Variants in PACRG observed in about 807,000 individuals in gnomAD.
PACRG encodes the protein parkin coregulated gene protein.
Under a neutral mutation model 29.7 loss-of-function variants are expected in PACRG, and 29 were observed. The ratio of observed to expected loss-of-function variants is 0.98; its 90% CI spans 0.73 to 1.33. The LOEUF is 1.33. Among genes scored for constraint, PACRG ranks in the 40% most tolerant of loss-of-function variants. PACRG has a pLI of 0.00. For synonymous variants in PACRG, 116 were observed against 118.7 expected (o/e 0.98, Z 0.15); for missense variants, 279 against 316.2 (o/e 0.88, Z 0.89).
chr6:162,876,944 T>C (rs946083705), intron 2 of PACRG, among the ~76,000 whole-genome samples: 2 of 152,164 alleles, frequency 1.3e-5, no homozygotes, highest in Non-Finnish European at 2.9e-5. Flanking sequence ...CAACAGAGGC[T>C]GGAGAGGATG....
intron 2 of PACRG, among the ~76,000 whole-genome samples, chr6:163,052,532 C>A (rs1810122743): frequency 6.6e-6 from 1 of 152,056 alleles, no homozygotes; most frequent in Admixed American, 6.6e-5. Context: ...GAGGGAGGAA[C>A]CTGGTGGGAG....
At chr6:163,236,404 CA>C (rs1300996394) in intron 4 of PACRG, among the ~76,000 whole-genome samples, 1 of 152,196 alleles carries the variant, frequency 6.6e-6, no homozygotes, top group African/African-American at 2.4e-5. Flanking sequence ...TTAATCTCAG[CA>C]GAAACTGAGT....
At chr6:162,754,141 A>G (rs756745549) in intron 1 of PACRG, among the ~76,000 whole-genome samples, 1 of 152,204 alleles carries the variant, frequency 6.6e-6, no homozygotes, top group Non-Finnish European at 1.5e-5. Context: ...CATCTTCCCC[A>G]GAATTTGCTT....
intron 2 of PACRG, among the ~76,000 whole-genome samples, chr6:163,003,557 C>T (rs1259741623): frequency 1.3e-5 from 2 of 152,034 alleles, no homozygotes; most frequent in African/African-American, 2.4e-5. Context: ...TTTCTATATC[C>T]ACTTCTTGCC....
intron 1 of PACRG, among the ~76,000 whole-genome samples, chr6:162,754,510 G>T (rs928033720): frequency 6.6e-6 from 1 of 151,936 alleles, no homozygotes; most frequent in Non-Finnish European, 1.5e-5. Flanking sequence ...TATTGCCTGT[G>T]CTTTTGGAGT....
chr6:163,077,426 C>A (rs767039940), intron 3 of PACRG, among the ~76,000 whole-genome samples: 1 of 152,004 alleles, frequency 6.6e-6, no homozygotes, highest in Non-Finnish European at 1.5e-5. Flanking sequence ...ACAGACACAG[C>A]GGAAGAAACC....
chr6:162,791,846 G>A (rs1374086464), intron 1 of PACRG, among the ~76,000 whole-genome samples: 1 of 152,104 alleles, frequency 6.6e-6, no homozygotes, highest in African/African-American at 2.4e-5. Context: ...TGACACCTGG[G>A]GGTCAATCCC....
At chr6:163,089,498 T>C in intron 4 of PACRG, 90 bp downstream of exon 4, 1 of 1,425,972 alleles carries the variant, frequency 7.0e-7, no homozygotes, top group Non-Finnish European at 9.6e-7. Context: ...GTTTAGGATT[T>C]ATTATTGCAT....
At chr6:163,254,032 G>T (rs1783010796) in intron 4 of PACRG, among the ~76,000 whole-genome samples, 1 of 151,918 alleles carries the variant, frequency 6.6e-6, no homozygotes, top group Admixed American at 6.5e-5. Context: ...TAGAGCACAG[G>T]GCAGAAGCGG....
chr6:163,293,926 C>T (rs1469023214), intron 4 of PACRG, among the ~76,000 whole-genome samples: 1 of 152,018 alleles, frequency 6.6e-6, no homozygotes, highest in African/African-American at 2.4e-5. Context: ...AGTCTAGTAA[C>T]AATAACTTCT....
chr6:163,187,339 ACCCAGG>A (rs1159369174), intron 4 of PACRG, among the ~76,000 whole-genome samples: 1 of 151,978 alleles, frequency 6.6e-6, no homozygotes, highest in Non-Finnish European at 1.5e-5. Context: ...CAGTCAGTGC[ACCCAGG>A]CCTGTGCAAG....
chr6:162,995,366 C>G (rs561187288), intron 2 of PACRG, among the ~76,000 whole-genome samples: 1 of 151,820 alleles, frequency 6.6e-6, no homozygotes, highest in Non-Finnish European at 1.5e-5. Context: ...AGTTTGATCT[C>G]AGACTGCTGT....
intron 2 of PACRG, among the ~76,000 whole-genome samples, chr6:162,989,018 A>G (rs989388993): frequency 2.0e-5 from 3 of 151,994 alleles, no homozygotes; most frequent in Admixed American, 2.0e-4. Context: ...AAAAAATTCA[A>G]TATACTTTTT....
intron 2 of PACRG, chr6:163,042,522 GTCTT>G (rs961786480): frequency 3.9e-5 from 6 of 152,118 alleles, no homozygotes; most frequent in Admixed American, 3.9e-4. Context: ...AAGAAGTTCA[GTCTT>G]TCTTATGGCA....
At chr6:163,312,563 G>A (rs1253363994) in intron 4 of PACRG, among the ~76,000 whole-genome samples, 1 of 152,118 alleles carries the variant, frequency 6.6e-6, no homozygotes, top group African/African-American at 2.4e-5. Context: ...ATTCCTGCCT[G>A]CACCTTCTCA....
intron 4 of PACRG, among the ~76,000 whole-genome samples, chr6:163,282,463 T>A (rs1476466435): frequency 6.6e-6 from 1 of 152,066 alleles, no homozygotes; most frequent in Non-Finnish European, 1.5e-5. Flanking sequence ...GTAATCCCAG[T>A]ACTTTGGGAG....
intron 4 of PACRG, among the ~76,000 whole-genome samples, chr6:163,216,889 T>A (rs1393394297): frequency 1.3e-5 from 2 of 152,244 alleles, no homozygotes; most frequent in East Asian, 3.8e-4. Context: ...CAATATTCAA[T>A]GTGCTTGCTT....
At chr6:162,781,954 CAATGA>C (rs1784125631) in intron 1 of PACRG, among the ~76,000 whole-genome samples, 1 of 151,490 alleles carries the variant, frequency 6.6e-6, no homozygotes, top group African/African-American at 2.4e-5. Flanking sequence ...TTAAAAACAC[CAATGA>C]AAAGGAAGCA....
chr6:163,112,567 C>G (rs1161566341), intron 4 of PACRG, among the ~76,000 whole-genome samples: 1 of 152,008 alleles, frequency 6.6e-6, no homozygotes, highest in African/African-American at 2.4e-5. Flanking sequence ...TTCTCCTTCC[C>G]CCTCATTTTT....
Sources: gnomAD v4.1 joint callset for allele counts (sites outside exome capture counted in the v4.1 genomes callset) on GRCh38, gnomAD v4.1.1 for gene constraint, MANE v1.5 for transcripts, NCBI Gene and HGNC (gene_info 2026-07-23, HGNC 2026-07-21) for gene names.